The following STRADB variants were observed in gnomAD, a reference collection of about 807,000 sequenced individuals.
STRADB encodes the protein STE20-related kinase adapter protein beta.
In STRADB, 34 loss-of-function variants were observed where a neutral mutation model predicts 52.1. The ratio of observed to expected loss-of-function variants is 0.65; its 90% CI spans 0.50 to 0.87. STRADB has a LOEUF of 0.87. Ranked by LOEUF, STRADB falls within the 40% of genes least tolerant of loss-of-function variation. The pLI is 0.00. For missense variants in STRADB, 340 were observed against 483.9 expected (o/e 0.70, Z 2.79); for synonymous variants, 133 against 174.5 (o/e 0.76, Z 1.87).
At chr2:201,453,626 AC>A (rs1952084401) in intron 1 of STRADB, among the ~76,000 whole-genome samples, 1 of 152,164 alleles carries the variant, frequency 6.6e-6, no homozygotes, top group South Asian at 2.1e-4. Context: ...ACATTTGACA[AC>A]CTGCTTTCCA....
chr2:201,465,386 G>T (rs1952285154), intron 3 of STRADB, among the ~76,000 whole-genome samples: 1 of 152,120 alleles, frequency 6.6e-6, no homozygotes, highest in South Asian at 2.1e-4. Context: ...GTCTAGAAAT[G>T]TTGTCCAGGA....
intron 3 of STRADB, 48 bp from the exon 4 acceptor site, chr2:201,469,905 G>T (rs1952362637): frequency 5.7e-6 from 8 of 1,395,042 alleles, no homozygotes; most frequent in Non-Finnish European, 7.1e-6. Flanking sequence ...AGGGCAGGGG[G>T]ACCAAGAAGT....
intron 10 of STRADB, 46 bp from the exon 11 acceptor site, chr2:201,479,441 CAT>C (rs1952534860): frequency 6.7e-7 from 1 of 1,494,812 alleles, no homozygotes. Flanking sequence ...CTGAAATCTA[CAT>C]TCTAATATAA....
chr2:201,468,080 T>C (rs1952330862), intron 3 of STRADB, among the ~76,000 whole-genome samples: 3 of 97,410 alleles, frequency 3.1e-5, no homozygotes, highest in Non-Finnish European at 4.2e-5. Context: ...CTGCCTTTTT[T>C]TTTTCTTTTT....
At chr2:201,454,632 C>T (rs1021941215) in intron 1 of STRADB, 114 bp from the exon 2 acceptor site, 1 of 415,524 alleles carries the variant, frequency 2.4e-6, no homozygotes, top group African/African-American at 2.0e-5. Flanking sequence ...GGAGTAGCTG[C>T]CTAAATATTG....
chr2:201,475,919 G>A (rs558560816), intron 7 of STRADB, among the ~76,000 whole-genome samples, 177 bp downstream of exon 7: 10 of 152,214 alleles, frequency 6.6e-5, no homozygotes, highest in East Asian at 3.9e-4. Flanking sequence ...ATGTCCATTC[G>A]CCAAACATGT....
chr2:201,461,335 T>C (rs1952212762), intron 3 of STRADB, among the ~76,000 whole-genome samples: 1 of 152,036 alleles, frequency 6.6e-6, no homozygotes. Flanking sequence ...ACTACAGGTG[T>C]GTATTACCAC....
At chr2:201,457,074 G>A (rs994262027) in intron 2 of STRADB, among the ~76,000 whole-genome samples, 1 of 152,166 alleles carries the variant, frequency 6.6e-6, no homozygotes, top group Admixed American at 6.5e-5. Context: ...TGCACAAACA[G>A]TTTAGACACA....
At chr2:201,462,923 T>C (rs1043629169) in intron 3 of STRADB, among the ~76,000 whole-genome samples, 1 of 152,370 alleles carries the variant, frequency 6.6e-6, no homozygotes, top group East Asian at 1.9e-4. Context: ...TTCTTTGAGA[T>C]TGAAAAACTC....
At position 201,475,631 on chromosome 2, in the gene STRADB, A is replaced by G; in HGVS notation, c.437A>G (p.Gln146Arg). ...SPFMAYGSAS[Q>R]LLRTYFPEGM... ...GGGTTTCTTTCAGGTTCAGCAAGTC[A>G]ACTCTTGAGGACCTATTTTCCTGAA... The change falls in exon 7 of 12, where the codon CAA becomes CGA. Residue 146 changes from glutamine to arginine, a missense_variant. Coordinates refer to ENST00000194530, the MANE Select transcript of STRADB (RefSeq NM_018571.6). The G allele has an allele frequency of 6.2e-7, 1 of 1,611,920 alleles. No homozygotes were observed.
rs368596529 is a variant in STRADB, at chr2:201,479,722, A to C, written c.1113+191A>C. The stretch of plus-strand genomic sequence containing the variant: ...TTTCTAAAATACTTTCATTCTTCAA[A>C]ACAGAATGAGTAAAAATAAAATGGA... On this transcript the variant is annotated intron_variant, in intron 11 of 11. Transcript: ENST00000194530. Among the ~76,000 whole-genome samples, 3 of 152,188 alleles carry C rather than the reference A, an allele frequency of 2.0e-5. No individual in the cohort carries two copies. In the East Asian group the frequency reaches 5.8e-4, roughly 29 times the overall value.
chr2:201,466,416 G>A (rs891689627), intron 3 of STRADB, among the ~76,000 whole-genome samples: 1 of 152,136 alleles, frequency 6.6e-6, no homozygotes, highest in Non-Finnish European at 1.5e-5. Context: ...GTCTCTCATG[G>A]AAAAATGAAT....
Position 201,452,697 on chromosome 2 carries a change from C to T in STRADB, c.-96+759C>T, listed in dbSNP as rs137977829. On this transcript the variant is annotated intron_variant, in intron 1 of 11. Transcript: ENST00000194530. ...AATTTTAAAGCTCAACAAAGAGTTA[C>T]ATCGGGTCATTTTTGCATTCCCTGT... Among the ~76,000 whole-genome samples the T allele has an allele frequency of 8.7e-3, 1,318 of 152,320 alleles. 54 individuals are homozygous for T. The highest frequency in any genetic ancestry group is 0.08 in the Admixed American group (1,224 of 15,302).
In STRADB at chr2:201,454,734, T is replaced by C. The variant is rs1952101930; in HGVS notation, c.-95-12T>C. 1.8e-6 allele frequency: 2 copies of C among 1,128,474 alleles called. No homozygotes were observed. The highest frequency in any genetic ancestry group is 3.1e-4 in the Middle Eastern group (1 of 3,198). 69.9% of individuals were successfully genotyped at this position (1,128,474 alleles called of 1,614,324 possible). A position where few individuals can be genotyped will look rare whatever the true frequency, so the allele number is the denominator to read the frequency against. On this transcript the variant is annotated splice_polypyrimidine_tract_variant and intron_variant, in intron 1 of 11. Coordinates refer to ENST00000194530, the MANE Select transcript of STRADB (RefSeq NM_018571.6). ...ATGTGAATCTAAATTATTTTGCTTTTGTTTTTTATAGTAGGATATATCTGC... is the reference window on the plus strand; with the variant it reads ...ATGTGAATCTAAATTATTTTGCTTTCGTTTTTTATAGTAGGATATATCTGC...
rs1952525999 is a variant in STRADB, at chr2:201,478,947, C to T, written c.1070+346C>T. Among the ~76,000 whole-genome samples, 7 of 152,018 alleles carry T rather than the reference C, an allele frequency of 4.6e-5. No individual in the cohort carries two copies. In the South Asian group the frequency reaches 1.5e-3, roughly 32 times the overall value. ...AAATTAGCCGGTGTGGTGGCATGCA[C>T]CTGTAGTCCCAGCTACTCGGGAGGC... On this transcript the variant is annotated intron_variant, in intron 10 of 11. Transcript: ENST00000194530.
chr2:201,454,896 A>T (rs372825006), intron 2 of STRADB, 44 bp downstream of exon 2: 54 of 1,571,688 alleles, frequency 3.4e-5, no homozygotes, highest in Admixed American at 1.8e-4. Context: ...CTGTCAGAGT[A>T]GTTGGATGTT....
At chr2:201,457,350 T>C (rs1244953986) in intron 2 of STRADB, 1 of 152,250 alleles carries the variant, frequency 6.6e-6, no homozygotes, top group Non-Finnish European at 1.5e-5. Context: ...CTTCAAAAAC[T>C]GTTTTATTAT....
chr2:201,472,980 T>C lies in STRADB; in HGVS notation c.219T>C (p.Ser73=). The C allele has an allele frequency of 1.2e-6, 2 of 1,610,386 alleles. No homozygotes were observed. Among genetic ancestry groups the C allele is most frequent in the Non-Finnish European group, 1.7e-6 (2 of 1,178,800 alleles). ...GAAGAGGATTTGACAACTTGACTTC[T>C]GTCCATCTTGCACGGCATACTCCCA... The part of the protein sequence containing the change: ...EIGRGFDNLT[S]VHLARHTPTG... The change falls in exon 5 of 12, where the codon TCT becomes TCC. Residue 73 remains serine, a synonymous_variant. Coordinates refer to ENST00000194530, the MANE Select transcript of STRADB (RefSeq NM_018571.6).
In STRADB at chr2:201,474,629, C is replaced by A; in HGVS notation, c.316-18C>A. 1 of 1,598,048 alleles carries A rather than the reference C, an allele frequency of 6.3e-7. No homozygotes were observed. The highest frequency in any genetic ancestry group is 8.5e-7 in the Non-Finnish European group (1 of 1,171,372). On this transcript the variant is annotated intron_variant, in intron 5 of 11. Transcript: ENST00000194530. ...ACAGTTGTTTTTAAATGTCTTGTCTCTTGTGTGTTTATCCTAGAAAGCCGT... is the reference window on the plus strand; with the variant it reads ...ACAGTTGTTTTTAAATGTCTTGTCTATTGTGTGTTTATCCTAGAAAGCCGT...
Sources: gnomAD v4.1 joint callset for allele counts (sites outside exome capture counted in the v4.1 genomes callset) on GRCh38, gnomAD v4.1.1 for gene constraint, MANE v1.5 for transcripts, NCBI Gene and HGNC (gene_info 2026-07-23, HGNC 2026-07-21) for gene names.